The following ARK2N variants were observed in gnomAD, a reference collection of about 807,000 sequenced individuals.
ARK2N encodes the protein protein ARK2N.
At chr18:46,250,008 C>G in the ARK2N span, among the ~76,000 whole-genome samples, 4 of 152,060 alleles carry the variant, frequency 2.6e-5, no homozygotes, top group Admixed American at 2.0e-4. Context: ...TCGCCCCACC[C>G]CATCTCTTAA....
the ARK2N span, among the ~76,000 whole-genome samples, chr18:46,221,586 A>G: frequency 6.7e-6 from 1 of 149,398 alleles, no homozygotes; most frequent in African/African-American, 2.5e-5. Flanking sequence ...TTTGATGTTA[A>G]TTTGCATTTC....
chr18:46,254,434 C>G, the ARK2N span, among the ~76,000 whole-genome samples: 1 of 152,074 alleles, frequency 6.6e-6, no homozygotes, highest in Non-Finnish European at 1.5e-5. Context: ...GTTTGGCATT[C>G]GTTAAGGTAG....
At chr18:46,258,915 A>G in the ARK2N span, among the ~76,000 whole-genome samples, 28 of 151,866 alleles carry the variant, frequency 1.8e-4, no homozygotes, top group Non-Finnish European at 3.1e-4. Context: ...TTTTTTCCCT[A>G]TCTGGTATAA....
the ARK2N span, among the ~76,000 whole-genome samples, chr18:46,222,203 C>T: frequency 0.66 from 100,205 of 152,044 alleles, 34,138 homozygotes; most frequent in Non-Finnish European, 0.75. Flanking sequence ...GGGCTCAGAA[C>T]CGCTCAGTTA....
chr18:46,222,299 G>GT, the ARK2N span, among the ~76,000 whole-genome samples: 1 of 152,188 alleles, frequency 6.6e-6, no homozygotes, highest in Non-Finnish European at 1.5e-5. Flanking sequence ...CTGCTAATGG[G>GT]TATCAAGTTC....
At chr18:46,252,277 C>A in the ARK2N span, among the ~76,000 whole-genome samples, 4 of 150,444 alleles carry the variant, frequency 2.7e-5, no homozygotes, top group Non-Finnish European at 5.9e-5. Flanking sequence ...GTAAAATTTT[C>A]TTTTCTTTTT....
the ARK2N span, chr18:46,232,675 G>C: frequency 6.6e-6 from 1 of 152,114 alleles, no homozygotes; most frequent in Non-Finnish European, 1.5e-5. Flanking sequence ...CAACCAAACT[G>C]TTTGTTTGCT....
At chr18:46,217,293 A>G in the ARK2N span, 2 of 152,284 alleles carry the variant, frequency 1.3e-5, no homozygotes, top group Non-Finnish European at 2.9e-5. Context: ...CCCCATTCTT[A>G]TTGCATCTGG....
At chr18:46,250,660 C>A in the ARK2N span, among the ~76,000 whole-genome samples, 3 of 152,054 alleles carry the variant, frequency 2.0e-5, no homozygotes, top group African/African-American at 7.2e-5. Context: ...AAAGGAAATT[C>A]TTTAAAATGC....
At chr18:46,227,811 C>T in the ARK2N span, among the ~76,000 whole-genome samples, 11 of 151,872 alleles carry the variant, frequency 7.2e-5, no homozygotes, top group African/African-American at 2.4e-4. Context: ...TTGGTCAGGC[C>T]GGTCTTGAAC....
At chr18:46,228,641 A>T in the ARK2N span, 1 of 393,918 alleles carries the variant, frequency 2.5e-6, no homozygotes, top group Non-Finnish European at 4.5e-6. Flanking sequence ...ACTGGAGTGC[A>T]GAGGTGCCAT....
chr18:46,193,376 A>G, the ARK2N span, among the ~76,000 whole-genome samples: 204 of 150,278 alleles, frequency 1.4e-3, 3 homozygotes, highest in African/African-American at 4.4e-3. Flanking sequence ...GGCAACCTCC[A>G]CCTCCAGGGT....
At chr18:46,234,973 A>G in the ARK2N span, among the ~76,000 whole-genome samples, 1 of 152,140 alleles carries the variant, frequency 6.6e-6, no homozygotes, top group Non-Finnish European at 1.5e-5. Context: ...GGGGCCAACC[A>G]TGTATTTGTC....
At chr18:46,216,876 T>C in the ARK2N span, 1 of 338,836 alleles carries the variant, frequency 3.0e-6, no homozygotes, top group Non-Finnish European at 5.5e-6. This position sits in a 1 kb window ranked among gnomAD's most constrained non-coding sequence, Gnocchi z 4.3. Flanking sequence ...TGTAACACAT[T>C]ACCTGAACTC....
chr18:46,220,968 G>A, the ARK2N span, among the ~76,000 whole-genome samples: 47 of 151,174 alleles, frequency 3.1e-4, no homozygotes, highest in Admixed American at 8.6e-4. Context: ...AAACCTCATC[G>A]CTACTAGAAA....
chr18:46,177,804 G>A, the ARK2N span, among the ~76,000 whole-genome samples: 1 of 152,068 alleles, frequency 6.6e-6, no homozygotes, highest in South Asian at 2.1e-4. Flanking sequence ...TGCTGCTTGT[G>A]GGGCTGAGGT....
chr18:46,239,272 A>G, the ARK2N span, among the ~76,000 whole-genome samples: 2 of 152,116 alleles, frequency 1.3e-5, no homozygotes, highest in South Asian at 2.1e-4. Context: ...GAACTTCAAT[A>G]TTTTCTTGTA....
At chr18:46,190,754 T>G in the ARK2N span, among the ~76,000 whole-genome samples, 2 of 152,138 alleles carry the variant, frequency 1.3e-5, no homozygotes, top group Non-Finnish European at 2.9e-5. Context: ...GTGGAGGCAC[T>G]AGTTTTAATG....
chr18:46,230,927 A>T, the ARK2N span, among the ~76,000 whole-genome samples: 1 of 152,242 alleles, frequency 6.6e-6, no homozygotes, highest in East Asian at 1.9e-4. Flanking sequence ...ATCTAGCTAC[A>T]GCCTGCTTTC....
Sources: gnomAD v4.1 joint callset for allele counts (sites outside exome capture counted in the v4.1 genomes callset) on GRCh38, gnomAD v4.1.1 for gene constraint, Gnocchi (gnomAD v3.1) non-coding constraint, MANE v1.5 for transcripts, NCBI Gene and HGNC (gene_info 2026-07-23, HGNC 2026-07-21) for gene names.